Variants in FAM90A10 observed in about 807,000 individuals in gnomAD.
The protein encoded by FAM90A10 is protein FAM90A10.
the FAM90A10 span, among the ~76,000 whole-genome samples, chr8:7,769,399 G>C: frequency 0.33 from 34,970 of 106,738 alleles, 9,529 homozygotes; most frequent in East Asian, 0.72. Context: ...CTTCCTTTCA[G>C]AGTTCCTCCG....
chr8:7,770,602 G>T, the FAM90A10 span, among the ~76,000 whole-genome samples: 2 of 38,358 alleles, frequency 5.2e-5, no homozygotes, highest in Non-Finnish European at 9.7e-5. Context: ...CGTTCCTAGC[G>T]GCATGAGGAA....
chr8:7,769,361 A>G, the FAM90A10 span, among the ~76,000 whole-genome samples: 2 of 103,778 alleles, frequency 1.9e-5, 1 homozygote, highest in Non-Finnish European at 4.0e-5. Flanking sequence ...CATCGGCTTC[A>G]CCATCGTGCC....
At chr8:7,769,833 G>A in the FAM90A10 span, 2 of 530,958 alleles carry the variant, frequency 3.8e-6, 1 homozygote, top group South Asian at 4.2e-5. Flanking sequence ...TTAGGGTGCT[G>A]CCTCCTAAGG....
chr8:7,769,593 G>C, the FAM90A10 span: 2 of 447,634 alleles, frequency 4.5e-6, no homozygotes, highest in Non-Finnish European at 7.1e-6. Flanking sequence ...TCCACCCACA[G>C]CTCAAGTGCA....
the FAM90A10 span, chr8:7,769,816 AC>A: frequency 1.9e-6 from 1 of 516,680 alleles, no homozygotes; most frequent in South Asian, 2.2e-5. Flanking sequence ...AGGGGTTTTC[AC>A]CACTCTTAGG....
the FAM90A10 span, chr8:7,769,816 A>T: frequency 1.9e-6 from 1 of 516,680 alleles, no homozygotes; most frequent in Non-Finnish European, 3.2e-6. Flanking sequence ...AGGGGTTTTC[A>T]CCACTCTTAG....
the FAM90A10 span, among the ~76,000 whole-genome samples, chr8:7,770,692 C>A: frequency 3.5e-4 from 1 of 2,884 alleles, no homozygotes; most frequent in Non-Finnish European, 8.5e-4. Flanking sequence ...GTCCCGAGTA[C>A]CCTTGAGCCA....
the FAM90A10 span, chr8:7,771,518 AG>A: frequency 6.2e-6 from 3 of 482,946 alleles, 1 homozygote; most frequent in African/African-American, 1.0e-4. Flanking sequence ...CAAGAAACCG[AG>A]ACTGGGTCCC....
At chr8:7,770,520 C>G in the FAM90A10 span, among the ~76,000 whole-genome samples, 1 of 59,832 alleles carries the variant, frequency 1.7e-5, no homozygotes, top group African/African-American at 7.3e-5. Context: ...GGATTCCAGG[C>G]GAAGGCATCT....
chr8:7,769,409 G>C, the FAM90A10 span, among the ~76,000 whole-genome samples: 4 of 111,468 alleles, frequency 3.6e-5, no homozygotes, highest in Non-Finnish European at 5.6e-5. Flanking sequence ...GAGTTCCTCC[G>C]TCACAAGGGC....
chr8:7,771,125 T>A, the FAM90A10 span: 2 of 309,352 alleles, frequency 6.5e-6, no homozygotes, highest in South Asian at 6.3e-5. Context: ...TGGCAGGGGC[T>A]CCGTCTTGGC....
the FAM90A10 span, among the ~76,000 whole-genome samples, chr8:7,770,571 A>T: frequency 7.4e-5 from 4 of 53,824 alleles, 2 homozygotes. Flanking sequence ...CTGTCCAATT[A>T]TGGCAAGCCT....
chr8:7,769,660 T>C, the FAM90A10 span: 52 of 649,998 alleles, frequency 8.0e-5, 16 homozygotes, highest in Middle Eastern at 5.1e-4. Flanking sequence ...CATGAAGTGC[T>C]GGAAGGCAGC....
At chr8:7,769,343 G>A in the FAM90A10 span, among the ~76,000 whole-genome samples, 3 of 99,108 alleles carry the variant, frequency 3.0e-5, no homozygotes, top group African/African-American at 7.2e-5. Flanking sequence ...GTTTGGCTGC[G>A]TTGTTGACAT....
chr8:7,771,030 C>G, the FAM90A10 span: 1 of 240,214 alleles, frequency 4.2e-6, no homozygotes, highest in South Asian at 4.2e-5. Context: ...TTTCAGGTTG[C>G]AAGCGGGCCA....
the FAM90A10 span, among the ~76,000 whole-genome samples, chr8:7,769,442 G>A: frequency 5.0e-3 from 546 of 109,834 alleles, no homozygotes; most frequent in African/African-American, 0.018. Context: ...CATCGTATCC[G>A]AACTCTCCCA....
At chr8:7,771,418 A>T in the FAM90A10 span, 1 of 441,096 alleles carries the variant, frequency 2.3e-6, no homozygotes. Flanking sequence ...CAGCCGCCAC[A>T]CACAGCTTGG....
the FAM90A10 span, chr8:7,770,353 A>G: frequency 7.6e-6 from 1 of 131,826 alleles, no homozygotes; most frequent in African/African-American, 1.6e-4. Flanking sequence ...TCTTCTGAGC[A>G]TCTGAGGGTG....
the FAM90A10 span, chr8:7,771,574 C>T: frequency 1.3e-5 from 7 of 534,780 alleles, 1 homozygote; most frequent in Non-Finnish European, 2.0e-5. Flanking sequence ...AGCTGGGGGC[C>T]CCGGAGAATC....
Sources: allele counts gnomAD v4.1 joint callset (sites outside exome capture counted in the v4.1 genomes callset), GRCh38; gene constraint gnomAD v4.1.1; transcripts MANE v1.5; gene names NCBI Gene and HGNC (gene_info 2026-07-23, HGNC 2026-07-21).